VWA3B: variants seen among roughly 807,000 people sequenced by gnomAD.
VWA3B encodes von Willebrand factor A domain containing 3B.
Under a neutral mutation model 158.3 loss-of-function variants are expected in VWA3B, and 138 were observed. The observed-to-expected ratio is 0.87, with a 90% CI of 0.76 to 1.00. VWA3B has a LOEUF of 1.00. Ranked by LOEUF, VWA3B falls within the 50% of genes least tolerant of loss-of-function variation. The pLI, the probability that VWA3B is intolerant of heterozygous loss-of-function variation, is 0.00. For synonymous variants in VWA3B, 596 were observed against 587.3 expected (o/e 1.01, Z -0.21); for missense variants, 1,555 against 1,565.1 (o/e 0.99, Z 0.11).
At chr2:98,110,374 A>G (rs62154873) in intron 2 of VWA3B, among the ~76,000 whole-genome samples, 20,152 of 151,548 alleles carry the variant, frequency 0.13, 2,063 homozygotes, top group Non-Finnish European at 0.19. Flanking sequence ...TATATCTTCT[A>G]TTTCTTTACT....
chr2:98,213,081 C>T (rs943491571), intron 13 of VWA3B, among the ~76,000 whole-genome samples: 5 of 151,968 alleles, frequency 3.3e-5, no homozygotes, highest in Non-Finnish European at 7.4e-5. Flanking sequence ...TCCAGCGAGG[C>T]GGGGACATTT....
intron 8 of VWA3B, among the ~76,000 whole-genome samples, chr2:98,174,970 T>C (rs1839669): frequency 0.61 from 92,919 of 152,080 alleles, 28,799 homozygotes; most frequent in South Asian, 0.76. Flanking sequence ...CTACAAATGA[T>C]AAAGAATGCA....
intron 8 of VWA3B, among the ~76,000 whole-genome samples, chr2:98,180,215 G>A (rs1294150107): frequency 1.8e-5 from 2 of 109,804 alleles, no homozygotes; most frequent in Non-Finnish European, 3.5e-5. Context: ...CCTCTTTTTT[G>A]ATGGAGTCTT....
chr2:98,212,627 A>G (rs1683625554), intron 13 of VWA3B, among the ~76,000 whole-genome samples: 1 of 152,244 alleles, frequency 6.6e-6, no homozygotes, highest in African/African-American at 2.4e-5. Context: ...TAACAGCTAA[A>G]GTGAATTAGT....
intron 8 of VWA3B, among the ~76,000 whole-genome samples, chr2:98,178,437 A>G (rs146697428): frequency 1.8e-3 from 276 of 152,330 alleles, no homozygotes; most frequent in African/African-American, 6.3e-3. Context: ...GGTCCTTTAC[A>G]CATTATACAG....
intron 12 of VWA3B, among the ~76,000 whole-genome samples, chr2:98,195,234 G>C (rs1259830952): frequency 1.3e-5 from 2 of 152,158 alleles, no homozygotes; most frequent in Admixed American, 1.3e-4. Flanking sequence ...GATCGTTTGA[G>C]CCCAGCAACT....
intron 25 of VWA3B, among the ~76,000 whole-genome samples, chr2:98,301,703 T>C (rs144291422): frequency 1.3e-5 from 2 of 152,310 alleles, no homozygotes; most frequent in Non-Finnish European, 2.9e-5. Context: ...GTCTGTATTG[T>C]CTGTTGGATC....
intron 12 of VWA3B, among the ~76,000 whole-genome samples, chr2:98,194,873 G>A (rs1681914444): frequency 6.6e-6 from 1 of 152,042 alleles, no homozygotes; most frequent in Non-Finnish European, 1.5e-5. Context: ...TTATCAATGG[G>A]CTTTGTTCAA....
intron 6 of VWA3B, among the ~76,000 whole-genome samples, chr2:98,130,814 A>G (rs540946862): frequency 6.6e-6 from 1 of 152,294 alleles, no homozygotes; most frequent in East Asian, 1.9e-4. Context: ...TAACAATCTG[A>G]TCTCTCTTTT....
chr2:98,104,457 CA>C, intron 2 of VWA3B, among the ~76,000 whole-genome samples: 1 of 152,268 alleles, frequency 6.6e-6, no homozygotes, highest in South Asian at 2.1e-4. Flanking sequence ...AACCAGTCCT[CA>C]TGAGAACTAA....
At chr2:98,288,169 T>C (rs1223222594) in intron 22 of VWA3B, among the ~76,000 whole-genome samples, 1 of 152,198 alleles carries the variant, frequency 6.6e-6, no homozygotes, top group East Asian at 1.9e-4. Context: ...TATTTGCTTT[T>C]TTGTTTGTTG....
chr2:98,216,268 C>T (rs1328789195), intron 13 of VWA3B, among the ~76,000 whole-genome samples: 1 of 152,164 alleles, frequency 6.6e-6, no homozygotes, highest in African/African-American at 2.4e-5. Flanking sequence ...GATAAGTGTC[C>T]TTTGGTGGGC....
chr2:98,209,437 C>T (rs1283309852), intron 12 of VWA3B, among the ~76,000 whole-genome samples: 16 of 152,098 alleles, frequency 1.1e-4, no homozygotes, highest in Non-Finnish European at 1.9e-4. Flanking sequence ...CCCACCACCA[C>T]GCCAGGCTAA....
At chr2:98,308,864 C>T (rs894969637) in intron 26 of VWA3B, among the ~76,000 whole-genome samples, 3 of 152,196 alleles carry the variant, frequency 2.0e-5, no homozygotes, top group African/African-American at 7.2e-5. Context: ...TTTTTACCTT[C>T]AAGACTCCTC....
chr2:98,144,875 C>T (rs930823577), intron 7 of VWA3B, among the ~76,000 whole-genome samples: 2 of 152,164 alleles, frequency 1.3e-5, no homozygotes, highest in Non-Finnish European at 1.5e-5. Context: ...CCAGAGTTTT[C>T]GAATGTCCTT....
chr2:98,129,394 T>C (rs781093013), intron 6 of VWA3B, among the ~76,000 whole-genome samples: 8 of 151,986 alleles, frequency 5.3e-5, no homozygotes, highest in Non-Finnish European at 1.0e-4. Context: ...GCGCACTCAC[T>C]GGTGTCTCTT....
chr2:98,303,580 G>C, intron 25 of VWA3B, 122 bp from the exon 26 acceptor site: 1 of 864,564 alleles, frequency 1.2e-6, no homozygotes, highest in Non-Finnish European at 1.8e-6. Flanking sequence ...ACTCTTTTAA[G>C]TGTCACCCTG....
chr2:98,291,302 T>C (rs1474606883), intron 23 of VWA3B: 1 of 152,256 alleles, frequency 6.6e-6, no homozygotes, highest in Non-Finnish European at 1.5e-5. Context: ...CCAGACTTCC[T>C]GGGGGATGTG....
Position 98,248,823 on chromosome 2 carries a change from TTTTCTTTCTTTCTTTCTTTC to T in VWA3B, c.2674-1453_2674-1434del, listed in dbSNP as rs55742932. ...TCTCTCTGTCTCTCTTTCTCTTTCT[TTTTCTTTCTTTCTTTCTTTC>T]TTTCTTTCTTTCTTTCTTTCTTTCT... is the stretch of plus-strand genomic sequence containing the variant. On this transcript the variant is annotated intron_variant, in intron 19 of 27. Coordinates refer to ENST00000477737, the MANE Select transcript of VWA3B (RefSeq NM_144992.5). Among the ~76,000 whole-genome samples the T allele has an allele frequency of 1.2e-4, 17 of 137,810 alleles. No individual in the cohort carries two copies. The East Asian group carries it at 1.9e-3, about 16-fold the overall frequency. 90.4% of individuals were successfully genotyped at this position (137,810 alleles called of 152,430 possible). A position where few individuals can be genotyped will look rare whatever the true frequency, so the allele number is the denominator to read the frequency against.
Sources: allele counts gnomAD v4.1 joint callset (sites outside exome capture counted in the v4.1 genomes callset), GRCh38; gene constraint gnomAD v4.1.1; transcripts MANE v1.5; gene names NCBI Gene and HGNC (gene_info 2026-07-23, HGNC 2026-07-21).